Variants in TBPL2 observed in about 807,000 individuals in gnomAD.
The protein encoded by TBPL2 is TATA box-binding protein-like 2.
A neutral mutation model predicts 38.2 loss-of-function variants in TBPL2; 40 were observed. The ratio of observed to expected loss-of-function variants is 1.05; its 90% CI spans 0.81 to 1.36. The LOEUF (loss-of-function observed/expected upper bound fraction) is 1.36. Among genes scored for constraint, TBPL2 ranks in the 40% most tolerant of loss-of-function variants. The pLI, the probability that TBPL2 is intolerant of heterozygous loss-of-function variation, is 0.00. For missense variants in TBPL2, 461 were observed against 456.7 expected (o/e 1.01, Z -0.09); for synonymous variants, 169 against 171.7 (o/e 0.98, Z 0.12).
chr14:55,433,529 A>C, intron 4 of TBPL2, 101 bp downstream of exon 4: 1 of 1,103,626 alleles, frequency 9.1e-7, no homozygotes, highest in Non-Finnish European at 1.3e-6. Flanking sequence ...AAAGAAAGGC[A>C]TTTTGCTTCT....
Position 55,428,899 on chromosome 14 carries a change from G to A in TBPL2, c.864C>T (p.Leu288=), listed in dbSNP as rs149307233. 4,828 of 1,614,068 alleles carry A rather than the reference G, an allele frequency of 3.0e-3. 33 individuals carry two copies. Among genetic ancestry groups the A allele is most frequent in the Middle Eastern group, 0.02 (122 of 6,062 alleles). ...CAACCATGTTCTGAATTTTAAAATCGAGGAATCTGGCAGGGAACCCAAGCT... is the reference window on the plus strand; with the variant it reads ...CAACCATGTTCTGAATTTTAAAATCAAGGAATCTGGCAGGGAACCCAAGCT... Residue 288 remains leucine (L), a synonymous_variant, in exon 5 of 7, where the codon CTC becomes CTT. Coordinates refer to ENST00000247219, the Ensembl canonical transcript of TBPL2.
intron 3 of TBPL2, among the ~76,000 whole-genome samples, chr14:55,434,555 C>A (rs879656953): frequency 2.2e-4 from 34 of 152,262 alleles, no homozygotes; most frequent in Middle Eastern, 3.4e-3. Context: ...CCTGCCCACC[C>A]CTACCCCTCG....
At chr14:55,437,158 G>T (rs145442618) in intron 1 of TBPL2, 140 bp from the exon 2 acceptor site, 227 of 715,414 alleles carry the variant, frequency 3.2e-4, no homozygotes, top group Middle Eastern at 1.6e-3. Context: ...TTCATGCACT[G>T]CTTTTTTCTA....
chr14:55,432,232 AC>A (rs1169801874), intron 4 of TBPL2, among the ~76,000 whole-genome samples: 1 of 123,442 alleles, frequency 8.1e-6, no homozygotes, highest in Admixed American at 9.1e-5. Context: ...ATATGGGGAA[AC>A]CCCCGTCTCT....
chr14:55,427,070 G>A (rs763932899), intron 5 of TBPL2, among the ~76,000 whole-genome samples: 1 of 152,216 alleles, frequency 6.6e-6, no homozygotes, highest in Non-Finnish European at 1.5e-5. Flanking sequence ...ATAGGCTGGA[G>A]GCTCGTGACT....
intron 6 of TBPL2, among the ~76,000 whole-genome samples, chr14:55,423,856 T>G (rs1885780740): frequency 6.6e-6 from 1 of 152,216 alleles, no homozygotes; most frequent in African/African-American, 2.4e-5. Flanking sequence ...GTGTGGCCAT[T>G]AAAAGCCTTT....
intron 5 of TBPL2, among the ~76,000 whole-genome samples, chr14:55,425,961 C>A (rs1234457172): frequency 6.6e-6 from 1 of 152,118 alleles, no homozygotes; most frequent in Non-Finnish European, 1.5e-5. Context: ...TATCAGGATA[C>A]CTTTGAATTA....
exon 2 of TBPL2, chr14:55,436,989 C>G (rs370309988): frequency 1.1e-4 from 170 of 1,613,964 alleles, no homozygotes; most frequent in Non-Finnish European, 1.4e-4. Context: ...CTGGGCTGAA[C>G]AGGGGAGACC....
At chr14:55,421,743 G>A (rs1186621294) in intron 6 of TBPL2, among the ~76,000 whole-genome samples, 9 of 152,182 alleles carry the variant, frequency 5.9e-5, no homozygotes, top group South Asian at 2.1e-4. Context: ...GATTACAGGC[G>A]TGAGCCACCA....
chr14:55,436,481 C>G, intron 2 of TBPL2, 80 bp downstream of exon 2: 1 of 1,228,662 alleles, frequency 8.1e-7, no homozygotes, highest in East Asian at 2.3e-5. Flanking sequence ...CTACTATTAT[C>G]CTGAAATTAG....
chr14:55,435,934 C>T, exon 3 of TBPL2: 4 of 1,558,696 alleles, frequency 2.6e-6, no homozygotes, highest in Non-Finnish European at 3.5e-6. Context: ...AAACTATATT[C>T]CTGAAGAAAT....
chr14:55,436,968 A>G (rs1228178903), exon 2 of TBPL2: 2 of 1,614,234 alleles, frequency 1.2e-6, no homozygotes, highest in Non-Finnish European at 1.7e-6. Context: ...TGTACATATC[A>G]TAAGGTACAA....
chr14:55,438,009 C>T (rs1886043291), intron 1 of TBPL2, among the ~76,000 whole-genome samples: 1 of 152,198 alleles, frequency 6.6e-6, no homozygotes, highest in South Asian at 2.1e-4. Context: ...CTGAGGAAAG[C>T]AACTAATGTA....
At chr14:55,430,256 A>G (rs1309908786) in intron 4 of TBPL2, among the ~76,000 whole-genome samples, 1 of 152,102 alleles carries the variant, frequency 6.6e-6, no homozygotes, top group East Asian at 1.9e-4. Flanking sequence ...CTGAAAGAAA[A>G]GCCAGTTTGA....
At chr14:55,436,074 C>T (rs994233586) in intron 2 of TBPL2, 140 bp from the exon 3 acceptor site, 4 of 516,300 alleles carry the variant, frequency 7.7e-6, no homozygotes, top group African/African-American at 2.0e-5. Context: ...AAATACATGA[C>T]ATGATTCCTA....
chr14:55,424,170 A>G lies in TBPL2; in HGVS notation c.1040T>C (p.Val347Ala), dbSNP rs776503979. Residue 347 changes from valine to alanine, a missense_variant, in exon 6 of 7, where the codon GTT becomes GCT. Physicochemically the swap from Val to Ala is moderately conservative, Grantham distance 64. Coordinates refer to ENST00000247219, the Ensembl canonical transcript of TBPL2. ...ATCTTAGCACTTACCTGTCAACACA[A>G]CTTTTCCAGATACAAAGATAAGCAA... 6.2e-6 allele frequency: 10 copies of G among 1,612,302 alleles called. No homozygotes were observed. The South Asian group carries it at 1.1e-4, about 18-fold the overall frequency.
rs569547225 is a variant in TBPL2, at chr14:55,416,346, C to T, written c.1052-1891G>A. Among the ~76,000 whole-genome samples the T allele has an allele frequency of 8.5e-5, 13 of 152,194 alleles. No individual in the cohort carries two copies. In the South Asian group the frequency reaches 2.7e-3, roughly 32 times the overall value. ...GTGGCTCACACCTGTAATTCCAGCA[C>T]TTTGGGAGGCCAAGGTGGGAGGATC... On this transcript the variant is annotated intron_variant, in intron 6 of 6. Coordinates refer to ENST00000247219, the Ensembl canonical transcript of TBPL2.
At chr14:55,421,751 C>G (rs1030317665) in intron 6 of TBPL2, among the ~76,000 whole-genome samples, 4 of 152,206 alleles carry the variant, frequency 2.6e-5, no homozygotes, top group Non-Finnish European at 4.4e-5. Context: ...GCGTGAGCCA[C>G]CATACCCAGA....
intron 6 of TBPL2, among the ~76,000 whole-genome samples, chr14:55,419,997 A>C (rs1350454795): frequency 6.6e-6 from 1 of 152,182 alleles, no homozygotes; most frequent in Non-Finnish European, 1.5e-5. Flanking sequence ...CAGTTTAGGG[A>C]GGAGCCTGAA....
Sources: gnomAD v4.1 joint callset for allele counts (sites outside exome capture counted in the v4.1 genomes callset) on GRCh38, gnomAD v4.1.1 for gene constraint, MANE v1.5 for transcripts, NCBI Gene and HGNC (gene_info 2026-07-23, HGNC 2026-07-21) for gene names.